The following TMEM260 variants were observed in gnomAD, a reference collection of about 807,000 sequenced individuals.
TMEM260 encodes protein O-mannosyl-transferase TMEM260.
TMEM260 carries 82 observed loss-of-function variants against 88.9 expected under a neutral mutation model. The observed-to-expected ratio is 0.92, with a 90% CI of 0.77 to 1.11. The LOEUF (loss-of-function observed/expected upper bound fraction) is 1.11. Among genes scored for constraint, TMEM260 ranks in the 50% least tolerant of loss-of-function variants. The pLI is 0.00. For missense variants in TMEM260, 902 were observed against 853.4 expected, an observed-to-expected ratio of 1.06 and a Z score of -0.71; for synonymous variants, 314 against 309.3, an observed-to-expected ratio of 1.02 and a Z score of -0.16.
chr14:56,632,189 G>C (rs1888660058), intron 12 of TMEM260, among the ~76,000 whole-genome samples: 1 of 152,184 alleles, frequency 6.6e-6, no homozygotes, highest in Admixed American at 6.6e-5. Flanking sequence ...TTACTTTCCA[G>C]CTTGCTGGGG....
At chr14:56,585,136 C>A in intron 2 of TMEM260, 104 bp downstream of exon 2, 1 of 1,087,056 alleles carries the variant, frequency 9.2e-7, no homozygotes, top group South Asian at 1.5e-5. Flanking sequence ...TATTTTCAAA[C>A]CCCCGTTTTT....
intron 3 of TMEM260, among the ~76,000 whole-genome samples, chr14:56,595,303 C>T (rs1886136279): frequency 6.6e-6 from 1 of 151,830 alleles, no homozygotes; most frequent in African/African-American, 2.4e-5. Flanking sequence ...TTTCTAGCTC[C>T]AATATGTAGT....
Position 56,597,152 on chromosome 14 carries a change from A to T in TMEM260, c.345-6663A>T, listed in dbSNP as rs180911500. Among the ~76,000 whole-genome samples, 176 of 152,344 alleles carry T rather than the reference A, an allele frequency of 1.2e-3. 1 individual carries two copies. Among genetic ancestry groups the T allele is most frequent in the African/African-American group, 4.0e-3 (168 of 41,576 alleles). On this transcript the variant is annotated intron_variant, in intron 3 of 15. Transcript: ENST00000261556. Reference sequence around the variant, plus strand: ...CGTGGGAGTTAGCAAAGTGAAGGCAAAACAGTGTTCCACATACAGGTTAAA... The same window carrying T: ...CGTGGGAGTTAGCAAAGTGAAGGCATAACAGTGTTCCACATACAGGTTAAA...
At chr14:56,596,751 A>G in intron 3 of TMEM260, among the ~76,000 whole-genome samples, 1 of 143,048 alleles carries the variant, frequency 7.0e-6, no homozygotes, top group African/African-American at 2.6e-5. Context: ...CAATGAACAA[A>G]ACTCTGTCTC....
chr14:56,599,253 C>G (rs1473297361), intron 3 of TMEM260, among the ~76,000 whole-genome samples: 1 of 152,140 alleles, frequency 6.6e-6, no homozygotes, highest in East Asian at 1.9e-4. Context: ...CCTCCTGTCC[C>G]TCTGACCTAG....
intron 1 of TMEM260, among the ~76,000 whole-genome samples, chr14:56,584,467 C>A (rs1885357571): frequency 6.6e-6 from 1 of 152,032 alleles, no homozygotes; most frequent in South Asian, 2.1e-4. Flanking sequence ...TTACAGTGAA[C>A]CTTACCGAAA....
At position 56,587,299 on chromosome 14, in the gene TMEM260, T is replaced by G. The variant is rs140547474; in HGVS notation, c.344+1387T>G. Among the ~76,000 whole-genome samples, 208 of 152,082 alleles carry G rather than the reference T, an allele frequency of 1.4e-3. 1 individual carries two copies. Among genetic ancestry groups the G allele is most frequent in the Non-Finnish European group, 1.9e-3 (128 of 67,844 alleles). On this transcript the variant is annotated intron_variant, in intron 3 of 15. Transcript: ENST00000261556. ...CATAGACATATATTTAAATGTTATA[T>G]AGCTATAAATAGCTCTTTGTGCAAG...
chr14:56,608,291 A>G (rs1421487467), intron 5 of TMEM260, among the ~76,000 whole-genome samples: 2 of 152,230 alleles, frequency 1.3e-5, no homozygotes, highest in Admixed American at 6.5e-5. Context: ...ATTTCCAAAT[A>G]CGATATTTGT....
intron 8 of TMEM260, 103 bp downstream of exon 8, chr14:56,616,130 C>G (rs1445404357): frequency 3.9e-6 from 3 of 771,846 alleles, no homozygotes; most frequent in East Asian, 5.1e-5. Flanking sequence ...ATTTTATACT[C>G]CAAATAAATG....
intron 15 of TMEM260, among the ~76,000 whole-genome samples, chr14:56,643,781 C>G (rs1283939363): frequency 6.6e-6 from 1 of 152,220 alleles, no homozygotes; most frequent in Non-Finnish European, 1.5e-5. Flanking sequence ...AGCCCAAAAT[C>G]TCCTTAAGCT....
chr14:56,589,186 C>A (rs1012360421), intron 3 of TMEM260, among the ~76,000 whole-genome samples: 2 of 152,042 alleles, frequency 1.3e-5, no homozygotes, highest in African/African-American at 2.4e-5. Flanking sequence ...ATGTTGATAG[C>A]ATTGTATAAA....
At chr14:56,650,224 C>T, downstream of TMEM260, 3 of 361,240 alleles carry the variant, frequency 8.3e-6, no homozygotes, top group South Asian at 6.3e-5. Flanking sequence ...AAGACAGGAA[C>T]CCCACAAGGC....
intron 11 of TMEM260, among the ~76,000 whole-genome samples, chr14:56,623,557 A>G (rs1202355486): frequency 6.6e-6 from 1 of 152,202 alleles, no homozygotes; most frequent in Non-Finnish European, 1.5e-5. Flanking sequence ...GAGCTACCTG[A>G]TCAAAATGAA....
intron 8 of TMEM260, 22 bp from the exon 9 acceptor site, chr14:56,617,161 A>G: frequency 2.2e-6 from 3 of 1,390,364 alleles, no homozygotes; most frequent in Non-Finnish European, 3.0e-6. Context: ...TATTTTAGAC[A>G]TATTTTTATT....
Position 56,603,677 on chromosome 14 carries a change from G to C in TMEM260, c.345-138G>C, listed in dbSNP as rs369096977. The C allele has an allele frequency of 9.9e-6, 8 of 811,312 alleles. No individual in the cohort carries two copies. In the Admixed American group the frequency reaches 1.9e-4, roughly 19 times the overall value. 50.3% of individuals were successfully genotyped at this position (811,312 alleles called of 1,614,324 possible). On this transcript the variant is annotated intron_variant, in intron 3 of 15. Coordinates refer to ENST00000261556, the MANE Select transcript of TMEM260 (RefSeq NM_017799.4). ...TCTGTTGAAGGAAATTATTATATGA[G>C]TTAATGTATTAACCATATAATGTGT... is the stretch of plus-strand genomic sequence containing the variant.
chr14:56,585,949 G>C (rs1885474166), intron 3 of TMEM260, 37 bp downstream of exon 3: 1 of 1,598,482 alleles, frequency 6.3e-7, no homozygotes. Flanking sequence ...ATTTTGAGCA[G>C]TTGGAGATGT....
chr14:56,622,281 T>C (rs753067062), intron 11 of TMEM260, among the ~76,000 whole-genome samples: 14 of 141,120 alleles, frequency 9.9e-5, no homozygotes, highest in Non-Finnish European at 1.9e-4. Flanking sequence ...AGACAGAGTT[T>C]GCAGTGAGCC....
At chr14:56,659,830 ATTAT>A in the TMEM260 span, among the ~76,000 whole-genome samples, 95 of 152,334 alleles carry the variant, frequency 6.2e-4, no homozygotes, top group African/African-American at 2.2e-3. Context: ...ATGCTAAGTA[ATTAT>A]TCTTAGAAGA....
intron 13 of TMEM260, among the ~76,000 whole-genome samples, chr14:56,634,221 C>G (rs961179861): frequency 2.0e-5 from 3 of 152,156 alleles, no homozygotes; most frequent in Non-Finnish European, 4.4e-5. Flanking sequence ...TCAGGCTGAT[C>G]CCCTTGTTTC....
Sources: gnomAD v4.1 joint callset for allele counts (sites outside exome capture counted in the v4.1 genomes callset) on GRCh38, gnomAD v4.1.1 for gene constraint, MANE v1.5 for transcripts, NCBI Gene and HGNC (gene_info 2026-07-23, HGNC 2026-07-21) for gene names.